ADCY2: variants seen among roughly 807,000 people sequenced by gnomAD.
The protein encoded by ADCY2 is adenylate cyclase 2, also known as adenylate cyclase type 2.
Under a neutral mutation model 125.2 loss-of-function variants are expected in ADCY2, and 31 were observed. The observed-to-expected ratio is 0.25, with a 90% CI of 0.19 to 0.33. The LOEUF (loss-of-function observed/expected upper bound fraction) is 0.33. Among genes scored for constraint, ADCY2 ranks in the 10% least tolerant of loss-of-function variants. The probability of loss-of-function intolerance (pLI) is 1.00; values close to 1 mark genes in which losing one functional copy is unlikely to be tolerated. For synonymous variants in ADCY2, 512 were observed against 548.4 expected (o/e 0.93, Z 0.93); for missense variants, 904 against 1,418.2 (o/e 0.64, Z 5.82).
At position 7,716,932 on chromosome 5, in the gene ADCY2, C is replaced by G. The variant is rs537768266; in HGVS notation, c.1623-225C>G. Among the ~76,000 whole-genome samples the G allele has an allele frequency of 3.9e-5, 6 of 152,188 alleles. No individual in the cohort carries two copies. The South Asian group carries it at 8.3e-4, about 21-fold the overall frequency. ...GTTAGCAACAATGTACTGTGTAATT[C>G]AAAGTAGTCAGAAGAGAGAATTTGA... On this transcript the variant is annotated intron_variant, in intron 11 of 24. Transcript: ENST00000338316.
At chr5:7,528,767 C>A (rs1334341644) in intron 3 of ADCY2, among the ~76,000 whole-genome samples, 2 of 152,188 alleles carry the variant, frequency 1.3e-5, no homozygotes, top group Non-Finnish European at 1.5e-5. Context: ...TTAATTTCCC[C>A]AATCCGTGCA....
chr5:7,687,335 C>T lies in ADCY2; in HGVS notation c.721-3356C>T, dbSNP rs142269308. 1.9e-3 allele frequency among the ~76,000 whole-genome samples: 288 copies of T among 152,208 alleles called. 1 individual carries two copies. The Middle Eastern group carries it at 0.024, about 13-fold the overall frequency. On this transcript the variant is annotated intron_variant, in intron 4 of 24. Transcript: ENST00000338316. ...TAGAATCTGTATCTTTCAGGAAGGACCGGCTCTGTGTGATTTGGGGTTTAG... is the reference window on the plus strand; with the variant it reads ...TAGAATCTGTATCTTTCAGGAAGGATCGGCTCTGTGTGATTTGGGGTTTAG...
intron 2 of ADCY2, among the ~76,000 whole-genome samples, chr5:7,440,799 C>G (rs1444183014): frequency 2.6e-5 from 4 of 152,086 alleles, no homozygotes; most frequent in Non-Finnish European, 5.9e-5. Flanking sequence ...TGACATATAA[C>G]CATGTCGGAT....
chr5:7,798,025 G>A (rs1007747759), intron 20 of ADCY2: 3 of 152,364 alleles, frequency 2.0e-5, no homozygotes, highest in South Asian at 4.1e-4. Flanking sequence ...GACATGGCTG[G>A]ACTGTCAGTT....
At chr5:7,517,384 A>G (rs1744291416) in intron 2 of ADCY2, among the ~76,000 whole-genome samples, 1 of 152,200 alleles carries the variant, frequency 6.6e-6, no homozygotes, top group African/African-American at 2.4e-5. Context: ...TTACCCACAC[A>G]TTCTTTACAT....
At chr5:7,623,504 A>G (rs1440583486) in intron 3 of ADCY2, among the ~76,000 whole-genome samples, 1 of 152,200 alleles carries the variant, frequency 6.6e-6, no homozygotes, top group Non-Finnish European at 1.5e-5. Context: ...GCACCATTGG[A>G]CACGGTGCTG....
At chr5:7,706,265 G>A (rs1030514553) in intron 7 of ADCY2, among the ~76,000 whole-genome samples, 1 of 152,164 alleles carries the variant, frequency 6.6e-6, no homozygotes, top group African/African-American at 2.4e-5. Context: ...AAATTCTTAT[G>A]TAGGCTAAAA....
chr5:7,756,276 A>C (rs936363280), intron 15 of ADCY2, among the ~76,000 whole-genome samples: 2 of 152,244 alleles, frequency 1.3e-5, no homozygotes, highest in Non-Finnish European at 2.9e-5. Context: ...GTGGCCCTCA[A>C]GATGGGTGAG....
rs150114974 is a variant in ADCY2, at chr5:7,798,573, C to CTTTTTTTTTTTTTTTTTTTT, written c.2629-3635_2629-3634insTTTTTTTTTTTTTTTTTTTT. ...ACGAGGGCAAGAGTTTTGACTATTT[C>CTTTTTTTTTTTTTTTTTTTT]TTTTTTTTTTCTTTTTTTTTTTTTG... On this transcript the variant is annotated intron_variant, in intron 20 of 24. Coordinates refer to ENST00000338316, the MANE Select transcript of ADCY2 (RefSeq NM_020546.3). The CTTTTTTTTTTTTTTTTTTTT allele has an allele frequency of 1.7e-5, 2 of 115,344 alleles. 1 individual carries two copies. The highest frequency in any genetic ancestry group is 3.4e-5 in the Non-Finnish European group (2 of 58,058). 7.1% of individuals were successfully genotyped at this position (115,344 alleles called of 1,614,324 possible).
At chr5:7,766,466 G>A (rs542855426) in intron 16 of ADCY2, among the ~76,000 whole-genome samples, 2 of 152,208 alleles carry the variant, frequency 1.3e-5, no homozygotes, top group African/African-American at 2.4e-5. Flanking sequence ...TGATAAAGGC[G>A]CCTCCAATTC....
At chr5:7,474,653 TGAG>T (rs1410672999) in intron 2 of ADCY2, among the ~76,000 whole-genome samples, 1 of 152,130 alleles carries the variant, frequency 6.6e-6, no homozygotes, top group Non-Finnish European at 1.5e-5. Flanking sequence ...AGAGAGCCTC[TGAG>T]GAGAAGTGCA....
intron 4 of ADCY2, among the ~76,000 whole-genome samples, chr5:7,680,754 A>G (rs1561163500): frequency 6.6e-6 from 1 of 152,200 alleles, no homozygotes; most frequent in Non-Finnish European, 1.5e-5. Flanking sequence ...GATTTCTTAA[A>G]TTCTGTAAGC....
chr5:7,537,487 C>T (rs1158648007), intron 3 of ADCY2, among the ~76,000 whole-genome samples: 1 of 152,172 alleles, frequency 6.6e-6, no homozygotes, highest in Non-Finnish European at 1.5e-5. Context: ...TCGCCTCCTC[C>T]ATCACACTCA....
Position 7,477,904 on chromosome 5 carries a change from G to A in ADCY2, c.409-42834G>A, listed in dbSNP as rs557422219. ...TCAGATATATGCATTTACCCTGGTG[G>A]CAGTAATTACTTTTTGTGAATGGAC... is the stretch of plus-strand genomic sequence containing the variant. On this transcript the variant is annotated intron_variant, in intron 2 of 24. Transcript: ENST00000338316. Among the ~76,000 whole-genome samples the A allele has an allele frequency of 2.0e-4, 30 of 152,204 alleles. No individual in the cohort carries two copies. The South Asian group carries it at 5.8e-3, about 29-fold the overall frequency.
At chr5:7,760,747 T>C (rs1743170499) in intron 16 of ADCY2, among the ~76,000 whole-genome samples, 1 of 152,204 alleles carries the variant, frequency 6.6e-6, no homozygotes, top group Non-Finnish European at 1.5e-5. Flanking sequence ...ACATAGCTTC[T>C]TGTGTGTGTG....
intron 15 of ADCY2, chr5:7,746,342 T>C (rs1223235063): frequency 6.6e-6 from 1 of 152,396 alleles, no homozygotes; most frequent in South Asian, 2.1e-4. Context: ...TTCCTCCTCC[T>C]TGGATGTAAT....
chr5:7,751,146 A>G (rs1471385678), intron 15 of ADCY2, among the ~76,000 whole-genome samples: 1 of 152,050 alleles, frequency 6.6e-6, no homozygotes, highest in Non-Finnish European at 1.5e-5. Flanking sequence ...TTTAATTTCA[A>G]TATCTACATT....
At chr5:7,428,055 CACACCCCAGGGA>C (rs1740451975) in intron 2 of ADCY2, among the ~76,000 whole-genome samples, 1 of 152,216 alleles carries the variant, frequency 6.6e-6, no homozygotes, top group African/African-American at 2.4e-5. Context: ...CTGCACAGGC[CACACCCCAGGGA>C]GCTGGGCCTG....
intron 3 of ADCY2, among the ~76,000 whole-genome samples, chr5:7,578,422 C>CA (rs1322033081): frequency 6.6e-6 from 1 of 152,166 alleles, no homozygotes; most frequent in African/African-American, 2.4e-5. Context: ...TCTTTATTCT[C>CA]ACTGTTTCCA....
Sources: allele counts gnomAD v4.1 joint callset (sites outside exome capture counted in the v4.1 genomes callset), GRCh38; gene constraint gnomAD v4.1.1; transcripts MANE v1.5; gene names NCBI Gene and HGNC (gene_info 2026-07-23, HGNC 2026-07-21).